The following CNTNAP2 variants were observed in gnomAD, a reference collection of about 807,000 sequenced individuals.
CNTNAP2 encodes the protein contactin-associated protein-like 2.
In CNTNAP2, 98 loss-of-function variants were observed where a neutral mutation model predicts 155.2. The ratio of observed to expected loss-of-function variants is 0.63; its 90% CI spans 0.54 to 0.75. The LOEUF (loss-of-function observed/expected upper bound fraction) is 0.75. CNTNAP2 is among the 30% of genes least tolerant of loss of function. The pLI is 0.00. For missense variants in CNTNAP2, 1,727 were observed against 1,688.1 expected, an observed-to-expected ratio of 1.02 and a Z score of -0.40; for synonymous variants, 651 against 631.2, an observed-to-expected ratio of 1.03 and a Z score of -0.47.
chr7:148,080,604 C>CAAAAAAAAA (rs199500286), intron 15 of CNTNAP2, among the ~76,000 whole-genome samples: 2 of 69,728 alleles, frequency 2.9e-5, no homozygotes, highest in African/African-American at 5.8e-5. Context: ...GACTCCATCT[C>CAAAAAAAAA]AAAAAAAAAA....
chr7:148,156,249 G>C (rs531644694), intron 17 of CNTNAP2, among the ~76,000 whole-genome samples: 5 of 152,150 alleles, frequency 3.3e-5, no homozygotes, highest in Admixed American at 6.5e-5. Flanking sequence ...TTTTTGTTTT[G>C]TTTTGTTTTG....
chr7:146,940,418 C>G (rs1797027108), intron 3 of CNTNAP2, among the ~76,000 whole-genome samples: 1 of 152,088 alleles, frequency 6.6e-6, no homozygotes, highest in Non-Finnish European at 1.5e-5. Flanking sequence ...ATGTCTTGAT[C>G]TCCTGACCTC....
intron 4 of CNTNAP2, among the ~76,000 whole-genome samples, chr7:147,080,554 G>A (rs1204392152): frequency 6.6e-6 from 1 of 151,374 alleles, no homozygotes; most frequent in African/African-American, 2.4e-5. Flanking sequence ...TGATATCCAT[G>A]AAGATAACAT....
chr7:147,867,280 A>T (rs1390285017), intron 13 of CNTNAP2, among the ~76,000 whole-genome samples: 1 of 151,714 alleles, frequency 6.6e-6, no homozygotes, highest in African/African-American at 2.4e-5. Context: ...ATTGACCCCA[A>T]CTCTCTTCTG....
chr7:147,649,818 C>T (rs1795423058), intron 13 of CNTNAP2, among the ~76,000 whole-genome samples: 1 of 151,356 alleles, frequency 6.6e-6, no homozygotes, highest in South Asian at 2.1e-4. Flanking sequence ...CTCTGCCATT[C>T]TGAATAAAAA....
At chr7:146,932,653 G>A (rs1430913247) in intron 3 of CNTNAP2, among the ~76,000 whole-genome samples, 1 of 152,168 alleles carries the variant, frequency 6.6e-6, no homozygotes, top group East Asian at 1.9e-4. Flanking sequence ...AATTGTCCCT[G>A]CTTGCAGATG....
At chr7:146,947,437 C>T (rs1173805565) in intron 3 of CNTNAP2, among the ~76,000 whole-genome samples, 2 of 141,784 alleles carry the variant, frequency 1.4e-5, no homozygotes, top group Non-Finnish European at 3.0e-5. Flanking sequence ...TATACATACA[C>T]ACACACACAC....
At chr7:148,115,469 T>C (rs1198464932) in intron 15 of CNTNAP2, among the ~76,000 whole-genome samples, 1 of 152,210 alleles carries the variant, frequency 6.6e-6, no homozygotes, top group Non-Finnish European at 1.5e-5. Flanking sequence ...GGCTGAAGTC[T>C]GGCTGGGGAC....
intron 13 of CNTNAP2, among the ~76,000 whole-genome samples, chr7:147,836,540 G>A (rs1584981936): frequency 6.6e-6 from 1 of 152,050 alleles, no homozygotes; most frequent in East Asian, 1.9e-4. Context: ...TAATAGATCA[G>A]CCCCACACAT....
rs1398057802 is a variant in CNTNAP2 at position 147,350,654 on chromosome 7, T to G, written c.1499-44955T>G. ...TTCTGCTGTACATTAGTTTCTCCCCTTCAGTGCTGCCTTACAGTACCCTAT... is the reference window on the plus strand; with the variant it reads ...TTCTGCTGTACATTAGTTTCTCCCCGTCAGTGCTGCCTTACAGTACCCTAT... On this transcript the variant is annotated intron_variant, in intron 9 of 23. Transcript: ENST00000361727. Among the ~76,000 whole-genome samples the G allele has an allele frequency of 2.0e-5, 3 of 151,834 alleles. No homozygotes were observed. In the South Asian group the frequency reaches 6.2e-4, roughly 31 times the overall value.
intron 11 of CNTNAP2, among the ~76,000 whole-genome samples, chr7:147,514,236 T>G (rs796337174): frequency 2.6e-5 from 4 of 152,262 alleles, no homozygotes; most frequent in African/African-American, 9.6e-5. Context: ...AGCTGTTTAA[T>G]TAGATCACAG....
At chr7:146,412,338 A>G (rs968880632) in intron 1 of CNTNAP2, among the ~76,000 whole-genome samples, 1 of 152,184 alleles carries the variant, frequency 6.6e-6, no homozygotes, top group Admixed American at 6.5e-5. Flanking sequence ...GATGTTTCCA[A>G]TAAAAGAAAG....
chr7:146,904,420 C>T (rs1271265681), intron 3 of CNTNAP2, among the ~76,000 whole-genome samples: 1 of 152,162 alleles, frequency 6.6e-6, no homozygotes, highest in Non-Finnish European at 1.5e-5. Context: ...AGAACAATGT[C>T]AGGTATTTAT....
intron 15 of CNTNAP2, among the ~76,000 whole-genome samples, chr7:148,113,225 G>A (rs373676112): frequency 4.9e-4 from 75 of 152,212 alleles, no homozygotes; most frequent in African/African-American, 1.6e-3. Context: ...CATCTGCTCC[G>A]CTTCTTGGGA....
At position 147,184,057 on chromosome 7, in the gene CNTNAP2, T is replaced by TA. The variant is rs888110189; in HGVS notation, c.1348+51553dup. On this transcript the variant is annotated intron_variant, in intron 8 of 23. Transcript: ENST00000361727. ...GAAAATGGGATATTTAATTACCCAT[T>TA]AAAAATTATTAGAAGAAAGAGTGAC... 2.0e-5 allele frequency among the ~76,000 whole-genome samples: 3 copies of TA among 152,274 alleles called. No individual in the cohort carries two copies. In the East Asian group the frequency reaches 5.8e-4, roughly 29 times the overall value.
chr7:146,721,951 C>T lies in CNTNAP2; in HGVS notation c.98-52320C>T, dbSNP rs565242521. ...TAGCCCAGGCTGGAGTGCAGTGGCA[C>T]GACTTCAGCTCACTGCAACCTCCAC... On this transcript the variant is annotated intron_variant, in intron 1 of 23. Coordinates refer to ENST00000361727, the MANE Select transcript of CNTNAP2 (RefSeq NM_014141.6). Among the ~76,000 whole-genome samples the T allele has an allele frequency of 6.9e-4, 97 of 140,680 alleles. 4 individuals are homozygous for T. In the East Asian group the frequency reaches 0.016, roughly 23 times the overall value. 92.3% of individuals were successfully genotyped at this position (140,680 alleles called of 152,430 possible).
intron 2 of CNTNAP2, among the ~76,000 whole-genome samples, chr7:146,806,373 G>A (rs1310495962): frequency 1.3e-5 from 2 of 151,936 alleles, no homozygotes; most frequent in Admixed American, 1.3e-4. Context: ...GCATGTGCCT[G>A]TAATCCCAGC....
intron 1 of CNTNAP2, among the ~76,000 whole-genome samples, chr7:146,376,338 G>T (rs1795303650): frequency 6.6e-6 from 1 of 151,866 alleles, no homozygotes; most frequent in South Asian, 2.1e-4. Context: ...CGTTACCTTT[G>T]TTCTTTTTCT....
Position 146,826,849 on chromosome 7 carries a change from T to TAG in CNTNAP2, c.209-12861_209-12860insGA, listed in dbSNP as rs1338280578. On this transcript the variant is annotated intron_variant, in intron 2 of 23. Transcript: ENST00000361727. Reference sequence around the variant, plus strand: ...GAATGAATATATGTATATATATATATATATATATAGAGAGAGAGAGAGAGA... The same window carrying TAG: ...GAATGAATATATGTATATATATATATAGATATATATAGAGAGAGAGAGAGAGA... Among the ~76,000 whole-genome samples, 191 of 142,600 alleles carry TAG rather than the reference T, an allele frequency of 1.3e-3. 1 individual carries two copies. Among genetic ancestry groups the TAG allele is most frequent in the Admixed American group, 2.9e-3 (43 of 14,800 alleles). 93.6% of individuals were successfully genotyped at this position (142,600 alleles called of 152,430 possible). A position where few individuals can be genotyped will look rare whatever the true frequency, so the allele number is the denominator to read the frequency against.
Sources: gnomAD v4.1 joint callset for allele counts (sites outside exome capture counted in the v4.1 genomes callset) on GRCh38, gnomAD v4.1.1 for gene constraint, MANE v1.5 for transcripts, NCBI Gene and HGNC (gene_info 2026-07-23, HGNC 2026-07-21) for gene names.